Variants in CSTF1 observed in about 807,000 individuals in gnomAD.
CSTF1 encodes cleavage stimulation factor subunit 1.
CSTF1 carries 2 observed loss-of-function variants against 40.9 expected under a neutral mutation model. The ratio of observed to expected loss-of-function variants is 0.05; its 90% CI spans 0.02 to 0.15. The LOEUF (loss-of-function observed/expected upper bound fraction) is 0.15. Among genes scored for constraint, CSTF1 ranks in the 10% least tolerant of loss-of-function variants. CSTF1 has a pLI of 1.00. For synonymous variants in CSTF1, 218 were observed against 207.2 expected, an observed-to-expected ratio of 1.05 and a Z score of -0.45; for missense variants, 279 against 558.9, an observed-to-expected ratio of 0.50 and a Z score of 5.05.
intron 2 of CSTF1, among the ~76,000 whole-genome samples, chr20:56,396,267 A>G (rs143122033): frequency 6.6e-6 from 1 of 152,352 alleles, no homozygotes; most frequent in Non-Finnish European, 1.5e-5. Context: ...TACCTGGCTA[A>G]TAATAGAAAG....
chr20:56,398,821 A>C, intron 4 of CSTF1, 146 bp from the exon 5 acceptor site: 1 of 685,688 alleles, frequency 1.5e-6, no homozygotes, highest in Non-Finnish European at 2.3e-6. Context: ...CATATGTTCC[A>C]GAAAGCACTT....
At chr20:56,400,265 C>T (rs968736817) in intron 5 of CSTF1, among the ~76,000 whole-genome samples, 18 of 152,306 alleles carry the variant, frequency 1.2e-4, no homozygotes, top group African/African-American at 4.1e-4. Flanking sequence ...AAGTTCCCTT[C>T]CCCAGCCATC....
Position 56,404,098 on chromosome 20 carries a change from A to C in CSTF1, c.*371A>C. ...TCAACTTTCTTGCTTATTCTGCTGA[A>C]CCCTCTGTGTATTTCCCTTCCAGGT... On this transcript the variant is annotated 3_prime_UTR_variant, in exon 6 of 6. Transcript: ENST00000217109. 5.4e-6 allele frequency: 1 copy of C among 184,154 alleles called. No homozygotes were observed. Among genetic ancestry groups the C allele is most frequent in the Non-Finnish European group, 1.1e-5 (1 of 87,420 alleles). 11.4% of individuals were successfully genotyped at this position (184,154 alleles called of 1,614,324 possible).
intron 1 of CSTF1, among the ~76,000 whole-genome samples, chr20:56,393,431 A>G (rs551504634): frequency 6.6e-6 from 1 of 152,114 alleles, no homozygotes; most frequent in Non-Finnish European, 1.5e-5. Context: ...ATCTCTCATC[A>G]ACTTTTCTTT....
Position 56,394,385 on chromosome 20 carries a change from G to A in CSTF1, c.-32-1136G>A, listed in dbSNP as rs147333543. On this transcript the variant is annotated intron_variant, in intron 1 of 5. Transcript: ENST00000217109. ...CAGATCACCTGAGGTCAGGAGTTTC[G>A]AGACCAGCCTGGCCAATATGGTGAA... Among the ~76,000 whole-genome samples the A allele has an allele frequency of 4.4e-3, 668 of 152,240 alleles. 4 individuals are homozygous for A. The highest frequency in any genetic ancestry group is 0.016 in the African/African-American group (646 of 41,554).
chr20:56,399,391 G>T lies in CSTF1; in HGVS notation c.1036+34G>T. The T allele has an allele frequency of 1.3e-6, 2 of 1,569,866 alleles. No homozygotes were observed. Among genetic ancestry groups the T allele is most frequent in the Non-Finnish European group, 1.7e-6 (2 of 1,155,926 alleles). ...GACGTTGATGTTACTTAACATTTCT[G>T]TAGTGTTTACACTTTCCAGAACTCT... On this transcript the variant is annotated intron_variant, in intron 5 of 5. Coordinates refer to ENST00000217109, the MANE Select transcript of CSTF1 (RefSeq NM_001324.3). This position sits in a 1 kb window ranked among gnomAD's most constrained non-coding sequence, Gnocchi z 4.6.
Position 56,399,023 on chromosome 20 carries a change from C to G in CSTF1, c.702C>G (p.Val234=), listed in dbSNP as rs147168971. The change falls in exon 5 of 6, where the codon GTC becomes GTG. Residue 234 remains valine, a synonymous_variant. Coordinates refer to ENST00000217109, the MANE Select transcript of CSTF1 (RefSeq NM_001324.3). The surrounding 1 kb of genome is among the most constrained non-coding windows in gnomAD (Gnocchi z 4.6). ...ATCCTTCTGGAGACTTTATACTTGTCGGAACTCAGCATCCTACTCTTCGCC... is the reference window on the plus strand; with the variant it reads ...ATCCTTCTGGAGACTTTATACTTGTGGGAACTCAGCATCCTACTCTTCGCC... The part of the protein sequence containing the change: ...SFHPSGDFIL[V]GTQHPTLRLY... 2 of 1,613,828 alleles carry G rather than the reference C, an allele frequency of 1.2e-6. No homozygotes were observed. Among genetic ancestry groups the G allele is most frequent in the Non-Finnish European group, 1.7e-6 (2 of 1,179,896 alleles).
chr20:56,396,181 T>C (rs1987513196), intron 2 of CSTF1, among the ~76,000 whole-genome samples: 1 of 152,234 alleles, frequency 6.6e-6, no homozygotes, highest in Admixed American at 6.5e-5. Context: ...CACCTACTGC[T>C]GCCCCCTTGT....
In CSTF1 at chr20:56,403,800, T is replaced by C; in HGVS notation, c.*73T>C. The C allele has an allele frequency of 1.4e-6, 2 of 1,478,496 alleles. No homozygotes were observed. The highest frequency in any genetic ancestry group is 9.3e-7 in the Non-Finnish European group (1 of 1,079,674). 91.6% of individuals were successfully genotyped at this position (1,478,496 alleles called of 1,614,324 possible). A position where few individuals can be genotyped will look rare whatever the true frequency, so the allele number is the denominator to read the frequency against. ...CCACGTCCTGTCTCAGCTGCAGTCG[T>C]AAGTCCGTGCACCATCCTTGACGTT... On this transcript the variant is annotated 3_prime_UTR_variant, in exon 6 of 6. Transcript: ENST00000217109.
Position 56,395,423 on chromosome 20 carries a change from T to G in CSTF1, c.-32-98T>G, listed in dbSNP as rs576462096. The G allele has an allele frequency of 3.7e-5, 26 of 702,674 alleles. No homozygotes were observed. In the South Asian group the frequency reaches 5.2e-4, roughly 14 times the overall value. The allele number at this position is 702,674 out of a possible 1,614,324, so 43.5% of individuals were successfully genotyped here. On this transcript the variant is annotated intron_variant, in intron 1 of 5. Coordinates refer to ENST00000217109, the MANE Select transcript of CSTF1 (RefSeq NM_001324.3). The stretch of plus-strand genomic sequence containing the variant: ...ATAATGCAGCTAGTAGAGATGGGAT[T>G]TGAGTCCTGCAAGATTAAGTCTGAC...
At chr20:56,402,239 A>T (rs1351990237) in intron 5 of CSTF1, among the ~76,000 whole-genome samples, 1 of 150,868 alleles carries the variant, frequency 6.6e-6, no homozygotes, top group African/African-American at 2.4e-5. Flanking sequence ...CCCAGGAGGC[A>T]GAGGTTGCAG....
intron 2 of CSTF1, 125 bp downstream of exon 2, chr20:56,395,846 T>G (rs370991355): frequency 8.0e-6 from 8 of 995,756 alleles, no homozygotes; most frequent in African/African-American, 1.6e-5. Flanking sequence ...CTTCAGTAAG[T>G]AAGTAGTTCA....
chr20:56,396,693 ATAT>A (rs1198134108), intron 2 of CSTF1, among the ~76,000 whole-genome samples: 7 of 152,184 alleles, frequency 4.6e-5, no homozygotes. Context: ...ACTAATCAAC[ATAT>A]TATTTGATTT....
chr20:56,395,587 A>T lies in CSTF1; in HGVS notation c.35A>T (p.Gln12Leu). ...ACCAAAGTGGGCTTGAAGGACCGCC[A>T]GCAGCTCTACAAGCTGATCATTAGC... ...YRTKVGLKDR[Q>L]QLYKLIISQL... The change falls in exon 2 of 6, where the codon CAG (glutamine) becomes CTG (leucine). Residue 12 changes from glutamine (Q) to leucine (L), a missense_variant. Transcript: ENST00000217109. 1 of 1,614,192 alleles carries T rather than the reference A, an allele frequency of 6.2e-7. No homozygotes were observed. The highest frequency in any genetic ancestry group is 8.5e-7 in the Non-Finnish European group (1 of 1,180,022).
Position 56,405,468 on chromosome 20 carries a change from CA to C in CSTF1, c.*1744del, listed in dbSNP as rs1978667212. On this transcript the variant is annotated 3_prime_UTR_variant, in exon 6 of 6. Transcript: ENST00000217109. Reference sequence around the variant, plus strand: ...AGGTAATCCGCCCGCCTCAGCCTCCCAAAGTGCTAGGATTACAGGCGTGAGC... The same window carrying C: ...AGGTAATCCGCCCGCCTCAGCCTCCCAAGTGCTAGGATTACAGGCGTGAGC... 2.0e-5 allele frequency: 3 copies of C among 152,218 alleles called. No individual in the cohort carries two copies. The allele number at this position is 152,218 out of a possible 1,614,324, so 9.4% of individuals were successfully genotyped here. A position where few individuals can be genotyped will look rare whatever the true frequency, so the allele number is the denominator to read the frequency against.
rs1178525842 is a variant in CSTF1, at chr20:56,395,726, A to G, written c.169+5A>G. ...TCCTGCATCTCATCAAACTCGGTAG[A>G]TTGTGAACACAAATCCATACGTCCC... is the stretch of plus-strand genomic sequence containing the variant. On this transcript the variant is annotated splice_donor_5th_base_variant and intron_variant, in intron 2 of 5. Transcript: ENST00000217109. The G allele has an allele frequency of 6.2e-7, 1 of 1,612,374 alleles. No homozygotes were observed. Among genetic ancestry groups the G allele is most frequent in the African/African-American group, 1.3e-5 (1 of 74,856 alleles).
At chr20:56,401,917 T>C (rs1978468136) in intron 5 of CSTF1, among the ~76,000 whole-genome samples, 1 of 152,228 alleles carries the variant, frequency 6.6e-6, no homozygotes, top group Non-Finnish European at 1.5e-5. Flanking sequence ...ACACAGACTT[T>C]GTGTTTTTAT....
chr20:56,398,905 A>G (rs997504740), intron 4 of CSTF1, 62 bp from the exon 5 acceptor site: 1 of 1,417,746 alleles, frequency 7.1e-7, no homozygotes, highest in Non-Finnish European at 9.5e-7. Flanking sequence ...TATTTTCCAC[A>G]TTTCCTCTGG....
At chr20:56,395,124 A>C (rs754542475) in intron 1 of CSTF1, among the ~76,000 whole-genome samples, 9 of 152,284 alleles carry the variant, frequency 5.9e-5, no homozygotes, top group Non-Finnish European at 1.0e-4. Context: ...AATAGCAGCT[A>C]TCTTGCATAT....
Sources: allele counts gnomAD v4.1 joint callset (sites outside exome capture counted in the v4.1 genomes callset), GRCh38; gene constraint gnomAD v4.1.1; non-coding constraint Gnocchi (gnomAD v3.1); transcripts MANE v1.5; gene names NCBI Gene and HGNC (gene_info 2026-07-23, HGNC 2026-07-21).